The following ARHGAP42 variants were observed in gnomAD, a reference collection of about 807,000 sequenced individuals.
The protein encoded by ARHGAP42 is Rho GTPase activating protein 42.
Under a neutral mutation model 125.0 loss-of-function variants are expected in ARHGAP42, and 63 were observed. That is an observed-to-expected ratio of 0.50 (90% CI 0.41 to 0.62). The LOEUF is 0.62. Among genes scored for constraint, ARHGAP42 ranks in the 20% least tolerant of loss-of-function variants. The pLI, the probability that ARHGAP42 is intolerant of heterozygous loss-of-function variation, is 0.00. For missense variants in ARHGAP42, 766 were observed against 1,024.2 expected, an observed-to-expected ratio of 0.75 and a Z score of 3.44; for synonymous variants, 339 against 351.0, an observed-to-expected ratio of 0.97 and a Z score of 0.38.
intron 2 of ARHGAP42, among the ~76,000 whole-genome samples, chr11:100,778,678 C>T (rs747172308): frequency 6.6e-6 from 1 of 151,966 alleles, no homozygotes; most frequent in Non-Finnish European, 1.5e-5. Flanking sequence ...TTAAAAAAAA[C>T]ACGCTGCTTG....
At chr11:100,973,045 G>T in intron 17 of ARHGAP42, 130 bp from the exon 18 acceptor site, 1 of 745,292 alleles carries the variant, frequency 1.3e-6, no homozygotes, top group Non-Finnish European at 2.1e-6. Flanking sequence ...AATTGGAAGT[G>T]GCTAAAAGTA....
chr11:100,875,332 C>T (rs904951740), intron 4 of ARHGAP42, among the ~76,000 whole-genome samples: 14 of 152,036 alleles, frequency 9.2e-5, no homozygotes, highest in Admixed American at 2.0e-4. Context: ...TCCCACCATC[C>T]GCTTTATCAG....
At chr11:100,751,548 C>T (rs942805020) in intron 1 of ARHGAP42, among the ~76,000 whole-genome samples, 28 of 150,950 alleles carry the variant, frequency 1.9e-4, no homozygotes, top group African/African-American at 6.3e-4. Flanking sequence ...TGGGTAGAAA[C>T]CTGTTGTAGA....
At chr11:100,762,360 A>C (rs1019355795) in intron 1 of ARHGAP42, among the ~76,000 whole-genome samples, 1 of 152,132 alleles carries the variant, frequency 6.6e-6, no homozygotes, top group Admixed American at 6.5e-5. Context: ...GAAGAACAGC[A>C]TCAGGGCTCC....
intron 2 of ARHGAP42, among the ~76,000 whole-genome samples, chr11:100,793,685 T>C (rs1333559962): frequency 6.6e-6 from 1 of 152,222 alleles, no homozygotes; most frequent in African/African-American, 2.4e-5. Context: ...CTTGTCTTTG[T>C]TGTTGGCTTT....
chr11:100,817,367 C>T (rs1436830818), intron 3 of ARHGAP42, among the ~76,000 whole-genome samples: 1 of 152,144 alleles, frequency 6.6e-6, no homozygotes, highest in African/African-American at 2.4e-5. Context: ...ATAGGTATCC[C>T]TTAACATTAT....
chr11:100,754,334 G>T (rs181713592), intron 1 of ARHGAP42, among the ~76,000 whole-genome samples: 1 of 152,174 alleles, frequency 6.6e-6, no homozygotes, highest in Non-Finnish European at 1.5e-5. Flanking sequence ...CCTGAGCAAT[G>T]ACCTAGAAAT....
At chr11:100,850,328 T>C (rs1373063401) in intron 3 of ARHGAP42, among the ~76,000 whole-genome samples, 1 of 152,220 alleles carries the variant, frequency 6.6e-6, no homozygotes, top group African/African-American at 2.4e-5. Flanking sequence ...AGGATATCAC[T>C]GTACTGAATA....
chr11:100,736,169 AGTTT>A (rs964880663), intron 1 of ARHGAP42, among the ~76,000 whole-genome samples: 18 of 152,186 alleles, frequency 1.2e-4, no homozygotes, highest in Non-Finnish European at 2.2e-4. Context: ...GGTTTTAGTT[AGTTT>A]GTTTTGAAAC....
At chr11:100,876,172 G>A (rs1354144101) in intron 4 of ARHGAP42, among the ~76,000 whole-genome samples, 1 of 152,146 alleles carries the variant, frequency 6.6e-6, no homozygotes, top group Non-Finnish European at 1.5e-5. Context: ...AGAATTTACA[G>A]CAAGATGAAC....
rs545912574 is a variant in ARHGAP42 at position 100,904,103 on chromosome 11, T to C, written c.385-9349T>C. ...ACAGACCCAGGATTAATACTTTGTA[T>C]CCTTCAATCTAATCAAGTTGACTCT... On this transcript the variant is annotated intron_variant, in intron 4 of 23. Coordinates refer to ENST00000298815, the MANE Select transcript of ARHGAP42 (RefSeq NM_152432.4). Among the ~76,000 whole-genome samples, 3 of 152,252 alleles carry C rather than the reference T, an allele frequency of 2.0e-5. No homozygotes were observed. In the East Asian group the frequency reaches 5.8e-4, roughly 29 times the overall value.
At chr11:100,867,467 C>T (rs959347070) in intron 4 of ARHGAP42, among the ~76,000 whole-genome samples, 7 of 152,194 alleles carry the variant, frequency 4.6e-5, no homozygotes, top group African/African-American at 1.4e-4. Context: ...ACTTTTCTTC[C>T]CCATGAACCA....
At chr11:100,739,817 A>G (rs184031641) in intron 1 of ARHGAP42, among the ~76,000 whole-genome samples, 1 of 152,192 alleles carries the variant, frequency 6.6e-6, no homozygotes, top group East Asian at 1.9e-4. Flanking sequence ...AGGGTTCCTT[A>G]CTTAGAAATG....
intron 1 of ARHGAP42, among the ~76,000 whole-genome samples, chr11:100,729,669 A>G (rs1159854289): frequency 6.6e-6 from 1 of 152,184 alleles, no homozygotes; most frequent in Admixed American, 6.6e-5. Context: ...TTTTTAAAAC[A>G]TTTCTAAACG....
At position 100,871,991 on chromosome 11, in the gene ARHGAP42, C is replaced by G. The variant is rs151226653; in HGVS notation, c.384+12366C>G. Among the ~76,000 whole-genome samples the G allele has an allele frequency of 5.6e-3, 849 of 152,328 alleles. 12 individuals are homozygous for G. The highest frequency in any genetic ancestry group is 0.019 in the African/African-American group (810 of 41,576). On this transcript the variant is annotated intron_variant, in intron 4 of 23. Transcript: ENST00000298815. ...CTCCTGACCTCGGGTGATCCGCCCA[C>G]CTCAGCCTCCCCAAGTGCTGGGATA...
Position 100,913,472 on chromosome 11 carries a change from C to T in ARHGAP42, c.405C>T (p.Asp135=). The T allele has an allele frequency of 2.3e-6, 3 of 1,287,752 alleles. No homozygotes were observed. The highest frequency in any genetic ancestry group is 3.1e-6 in the Non-Finnish European group (3 of 982,962). 79.8% of individuals were successfully genotyped at this position (1,287,752 alleles called of 1,614,324 possible). The change falls in exon 5 of 24, where the codon GAC becomes GAT. Residue 135 remains aspartate (D), a synonymous_variant. Transcript: ENST00000298815. ...TTTAGGATGGAAAGAAGAAGTTTGA[C>T]AAAGAGAGTGAAAAATATTACTCTA... ...GAAKDGKKKF[D]KESEKYYSIL...
intron 3 of ARHGAP42, among the ~76,000 whole-genome samples, chr11:100,820,203 A>G (rs1864371824): frequency 6.6e-6 from 1 of 152,074 alleles, no homozygotes; most frequent in African/African-American, 2.4e-5. Context: ...GTTTCATGAC[A>G]CCACTTGTAC....
chr11:100,791,732 T>G (rs1475975551), intron 2 of ARHGAP42, among the ~76,000 whole-genome samples: 1 of 151,782 alleles, frequency 6.6e-6, no homozygotes, highest in Non-Finnish European at 1.5e-5. Context: ...TTGGGGCCAG[T>G]CTCAGAAAAC....
chr11:100,857,853 C>T (rs1439946948), intron 3 of ARHGAP42, among the ~76,000 whole-genome samples: 1 of 152,080 alleles, frequency 6.6e-6, no homozygotes, highest in African/African-American at 2.4e-5. Context: ...CTTATCACTT[C>T]AGATTTGAAT....
Sources: allele counts gnomAD v4.1 joint callset (sites outside exome capture counted in the v4.1 genomes callset), GRCh38; gene constraint gnomAD v4.1.1; transcripts MANE v1.5; gene names NCBI Gene and HGNC (gene_info 2026-07-23, HGNC 2026-07-21).